Variants in FYN observed in about 807,000 individuals in gnomAD.
FYN encodes FYN proto-oncogene, Src family tyrosine kinase.
FYN carries 10 observed loss-of-function variants against 70.2 expected under a neutral mutation model. The ratio of observed to expected loss-of-function variants is 0.14; its 90% CI spans 0.09 to 0.24. FYN has a LOEUF of 0.24. Among genes scored for constraint, FYN ranks in the 10% least tolerant of loss-of-function variants. The pLI is 1.00. For synonymous variants in FYN, 236 were observed against 248.6 expected, an observed-to-expected ratio of 0.95 and a Z score of 0.48; for missense variants, 319 against 673.1, an observed-to-expected ratio of 0.47 and a Z score of 5.82.
At chr6:111,717,103 T>C (rs1040807855) in intron 4 of FYN, among the ~76,000 whole-genome samples, 3 of 152,084 alleles carry the variant, frequency 2.0e-5, no homozygotes, top group African/African-American at 7.2e-5. Context: ...TTTTTTATTT[T>C]TGTTTTACTA....
intron 3 of FYN, among the ~76,000 whole-genome samples, chr6:111,751,798 T>G (rs1181334248): frequency 6.6e-6 from 1 of 152,124 alleles, no homozygotes; most frequent in Non-Finnish European, 1.5e-5. Context: ...TCTTTTTTTT[T>G]GGTAGAAACA....
chr6:111,801,395 G>A (rs899972305), intron 2 of FYN, among the ~76,000 whole-genome samples: 5 of 152,154 alleles, frequency 3.3e-5, no homozygotes, highest in African/African-American at 1.2e-4. Context: ...TTTCAAAGGA[G>A]CTCCCCATTT....
intron 2 of FYN, among the ~76,000 whole-genome samples, chr6:111,781,258 C>T (rs933653981): frequency 3.3e-5 from 5 of 152,126 alleles, no homozygotes; most frequent in Admixed American, 1.3e-4. Flanking sequence ...AAACTAACAC[C>T]GCCTTCTTCA....
At chr6:111,764,216 C>CAAAAAAAAAAAAAAAAAAAAAAAA in intron 3 of FYN, among the ~76,000 whole-genome samples, 61 of 58,286 alleles carry the variant, frequency 1.0e-3, no homozygotes, top group East Asian at 5.1e-3. Flanking sequence ...TTTTGTCAAG[C>CAAAAAAAAAAAAAAAAAAAAAAAA]AAAAAAAAAA....
chr6:111,766,548 A>AT (rs1461446761), intron 3 of FYN, among the ~76,000 whole-genome samples: 1 of 152,198 alleles, frequency 6.6e-6, no homozygotes, highest in Non-Finnish European at 1.5e-5. Flanking sequence ...AAAGACATAC[A>AT]TGAGACTGGA....
chr6:111,869,833 A>C (rs1448322237), intron 1 of FYN, among the ~76,000 whole-genome samples: 1 of 152,266 alleles, frequency 6.6e-6, no homozygotes. Flanking sequence ...TGATTGTATC[A>C]CATGGGATTA....
intron 3 of FYN, among the ~76,000 whole-genome samples, chr6:111,767,688 C>T (rs773736609): frequency 1.3e-5 from 2 of 152,216 alleles, no homozygotes; most frequent in Non-Finnish European, 2.9e-5. Flanking sequence ...GCATGGGTCA[C>T]CCTGCCTGGC....
intron 1 of FYN, among the ~76,000 whole-genome samples, chr6:111,862,858 C>G (rs1414783111): frequency 6.6e-6 from 1 of 152,118 alleles, no homozygotes; most frequent in Admixed American, 6.5e-5. Context: ...TGGGCCTAGA[C>G]AGGTGAGTAG....
At chr6:111,819,329 A>G (rs1291189864) in intron 2 of FYN, among the ~76,000 whole-genome samples, 3 of 152,246 alleles carry the variant, frequency 2.0e-5, no homozygotes, top group Non-Finnish European at 4.4e-5. Context: ...CAGTACATCT[A>G]CAAATACAAG....
Position 111,674,606 on chromosome 6 carries a change from G to A in FYN, c.1298C>T (p.Thr433Met). The A allele has an allele frequency of 1.2e-6, 2 of 1,612,942 alleles. No individual in the cohort carries two copies. Among genetic ancestry groups the A allele is most frequent in the Non-Finnish European group, 1.7e-6 (2 of 1,179,330 alleles). The change falls in exon 13 of 14, where the codon ACG becomes ATG. Residue 433 changes from threonine (T) to methionine (M), a missense_variant. By Grantham distance (81) the Thr-to-Met change is moderately conservative. Transcript: ENST00000354650. ...RQGAKFPIKWTAPEAALYGRF... is the reference protein window; with the variant it reads ...RQGAKFPIKWMAPEAALYGRF... ...CCCGTACAGGGCTGCCTCGGGGGCC[G>A]TCCACTTGATGGGGAACTTTGCACC... is the stretch of plus-strand genomic sequence containing the variant.
intron 2 of FYN, among the ~76,000 whole-genome samples, chr6:111,788,727 T>C (rs2128511590): frequency 6.6e-6 from 1 of 152,276 alleles, no homozygotes; most frequent in South Asian, 2.1e-4. Context: ...GAGTTCCAAA[T>C]GGTGAAATAA....
At chr6:111,823,809 A>G (rs1772749556) in intron 2 of FYN, among the ~76,000 whole-genome samples, 1 of 152,206 alleles carries the variant, frequency 6.6e-6, no homozygotes, top group African/African-American at 2.4e-5. Context: ...GCCATGAGGA[A>G]GGACAAAACA....
rs1798450668 is a variant in FYN, at chr6:111,674,538, G to A, written c.1366C>T (p.Leu456Phe). 1 of 1,613,934 alleles carries A rather than the reference G, an allele frequency of 6.2e-7. No homozygotes were observed. Among genetic ancestry groups the A allele is most frequent in the Admixed American group, 1.7e-5 (1 of 59,996 alleles). ...CTTCCTTTGGTGACCAGCTCTGTGAGTAAGATTCCAAAAGACCACACGTCA... is the reference window on the plus strand; with the variant it reads ...CTTCCTTTGGTGACCAGCTCTGTGAATAAGATTCCAAAAGACCACACGTCA... Reference protein sequence around the residue: ...KSDVWSFGILLTELVTKGRVP... With the variant: ...KSDVWSFGILFTELVTKGRVP... The change falls in exon 13 of 14, where the codon CTC (leucine) becomes TTC (phenylalanine). Residue 456 changes from leucine to phenylalanine, a missense_variant. Coordinates refer to ENST00000354650, the MANE Select transcript of FYN (RefSeq NM_002037.5).
At chr6:111,790,289 C>T (rs1562522422) in intron 2 of FYN, among the ~76,000 whole-genome samples, 1 of 147,156 alleles carries the variant, frequency 6.8e-6, no homozygotes, top group African/African-American at 2.6e-5. Flanking sequence ...CACACACACA[C>T]ACACACACAT....
At chr6:111,867,937 G>C (rs1389258301) in intron 1 of FYN, among the ~76,000 whole-genome samples, 1 of 152,092 alleles carries the variant, frequency 6.6e-6, no homozygotes, top group Non-Finnish European at 1.5e-5. Context: ...ATTTCCCTTT[G>C]TCCATCTCTG....
intron 12 of FYN, among the ~76,000 whole-genome samples, chr6:111,687,493 G>C (rs1013446050): frequency 6.6e-6 from 1 of 151,594 alleles, no homozygotes; most frequent in African/African-American, 2.4e-5. Flanking sequence ...AGCAACCCCA[G>C]TTCCTGTCCT....
intron 5 of FYN, among the ~76,000 whole-genome samples, chr6:111,713,237 G>C (rs550806191): frequency 6.6e-6 from 1 of 152,166 alleles, no homozygotes; most frequent in African/African-American, 2.4e-5. Context: ...CAAGGAGGCA[G>C]TTTTCAGGCC....
chr6:111,863,159 T>C lies in FYN; in HGVS notation c.-123+9809A>G, dbSNP rs553106787. Among the ~76,000 whole-genome samples the C allele has an allele frequency of 2.8e-4, 42 of 152,302 alleles. 2 individuals carry two copies. In the South Asian group the frequency reaches 8.5e-3, roughly 31 times the overall value. ...GCACATCCACAGTGACATGGATCAA[T>C]ACCTCCTCACTCAATCTAGGAAATA... is the stretch of plus-strand genomic sequence containing the variant. On this transcript the variant is annotated intron_variant, in intron 1 of 13. Coordinates refer to ENST00000354650, the MANE Select transcript of FYN (RefSeq NM_002037.5).
chr6:111,672,122 A>G (rs1798305908), intron 13 of FYN, among the ~76,000 whole-genome samples: 1 of 152,120 alleles, frequency 6.6e-6, no homozygotes, highest in East Asian at 1.9e-4. Flanking sequence ...TCACATCTCC[A>G]GGTGTGCCCC....
Sources: gnomAD v4.1 joint callset for allele counts (sites outside exome capture counted in the v4.1 genomes callset) on GRCh38, gnomAD v4.1.1 for gene constraint, MANE v1.5 for transcripts, NCBI Gene and HGNC (gene_info 2026-07-23, HGNC 2026-07-21) for gene names.